CRYL1: variants seen among roughly 807,000 people sequenced by gnomAD.
The protein encoded by CRYL1 is crystallin lambda 1.
CRYL1 carries 29 observed loss-of-function variants against 36.6 expected under a neutral mutation model. The observed-to-expected ratio is 0.79, with a 90% CI of 0.59 to 1.08. The LOEUF is 1.08. CRYL1 is among the 50% of genes least tolerant of loss of function. The pLI is 0.00. For missense variants in CRYL1, 411 were observed against 407.9 expected, an observed-to-expected ratio of 1.01 and a Z score of -0.06; for synonymous variants, 152 against 151.5, an observed-to-expected ratio of 1.00 and a Z score of -0.02.
intron 2 of CRYL1, among the ~76,000 whole-genome samples, chr13:20,508,392 A>T (rs986100220): frequency 5.3e-5 from 8 of 152,298 alleles, no homozygotes; most frequent in Non-Finnish European, 1.0e-4. Context: ...AATTAAGTAG[A>T]TGTAATTTAC....
intron 5 of CRYL1, chr13:20,431,168 T>C (rs2032049402): frequency 3.0e-6 from 3 of 985,220 alleles, no homozygotes; most frequent in African/African-American, 1.7e-5. Flanking sequence ...TGCTGGGAAA[T>C]TGAAATGCAA....
chr13:20,473,684 G>T (rs1374970729), intron 3 of CRYL1, among the ~76,000 whole-genome samples: 1 of 152,202 alleles, frequency 6.6e-6, no homozygotes, highest in Non-Finnish European at 1.5e-5. Flanking sequence ...GGTGAAAGTG[G>T]GGCTAGGTAC....
At chr13:20,480,311 G>A (rs1202237277) in intron 3 of CRYL1, among the ~76,000 whole-genome samples, 1 of 151,954 alleles carries the variant, frequency 6.6e-6, no homozygotes, top group Non-Finnish European at 1.5e-5. Context: ...AACCCAGGAG[G>A]CAGAGGTTGC....
At chr13:20,428,729 C>A (rs980744323) in intron 5 of CRYL1, among the ~76,000 whole-genome samples, 9 of 152,184 alleles carry the variant, frequency 5.9e-5, no homozygotes, top group Admixed American at 5.9e-4. Context: ...GAAATTCATA[C>A]TTTCATATGA....
At chr13:20,428,467 A>G (rs1321543097) in intron 5 of CRYL1, among the ~76,000 whole-genome samples, 3 of 152,236 alleles carry the variant, frequency 2.0e-5, no homozygotes, top group Non-Finnish European at 4.4e-5. Flanking sequence ...AATATGTCCT[A>G]TGAATTTAGA....
At chr13:20,458,846 T>C (rs570225047) in intron 3 of CRYL1, among the ~76,000 whole-genome samples, 2 of 152,198 alleles carry the variant, frequency 1.3e-5, no homozygotes, top group African/African-American at 4.8e-5. Context: ...CAAAGCAGAG[T>C]AGAATCTCTC....
At chr13:20,464,015 C>T (rs6490582) in intron 3 of CRYL1, among the ~76,000 whole-genome samples, 146,164 of 152,226 alleles carry the variant, frequency 0.96, 70,434 homozygotes, top group East Asian at 1. Flanking sequence ...CAATTGTGCC[C>T]ATTCCTGTTA....
intron 3 of CRYL1, among the ~76,000 whole-genome samples, chr13:20,462,273 C>G (rs1341418480): frequency 6.6e-6 from 1 of 151,474 alleles, no homozygotes; most frequent in African/African-American, 2.4e-5. Context: ...GCCCTGGGGG[C>G]GCCCAGGGGA....
intron 6 of CRYL1, 137 bp downstream of exon 6, chr13:20,413,143 CTG>C (rs2031566734): frequency 1.6e-6 from 1 of 606,316 alleles, no homozygotes; most frequent in Non-Finnish European, 2.9e-6. Context: ...CCTGCCTTGT[CTG>C]TGAATCACCA....
chr13:20,491,978 G>A (rs1050674720), intron 2 of CRYL1, among the ~76,000 whole-genome samples: 12 of 152,156 alleles, frequency 7.9e-5, no homozygotes, highest in African/African-American at 2.7e-4. Flanking sequence ...GTAAGTGCCA[G>A]TAAATAGATA....
At chr13:20,438,594 C>A (rs1220147754) in intron 4 of CRYL1, among the ~76,000 whole-genome samples, 2 of 152,154 alleles carry the variant, frequency 1.3e-5, no homozygotes, top group Non-Finnish European at 2.9e-5. Flanking sequence ...TTCTGCACAC[C>A]GAGCGTGTTC....
intron 2 of CRYL1, among the ~76,000 whole-genome samples, chr13:20,492,203 T>C (rs1200504423): frequency 6.6e-6 from 1 of 152,242 alleles, no homozygotes; most frequent in African/African-American, 2.4e-5. Context: ...TCATTTATCA[T>C]TCACTGTGTA....
intron 5 of CRYL1, among the ~76,000 whole-genome samples, chr13:20,426,108 G>C (rs1392345432): frequency 6.6e-6 from 1 of 152,162 alleles, no homozygotes; most frequent in Admixed American, 6.5e-5. Context: ...CAAGCAGGAT[G>C]ACAAGGGAGA....
intron 2 of CRYL1, among the ~76,000 whole-genome samples, chr13:20,503,019 C>T (rs563323734): frequency 3.8e-4 from 58 of 152,094 alleles, no homozygotes; most frequent in Non-Finnish European, 6.3e-4. Context: ...CGGAAGCGCA[C>T]GGCCTCAGAA....
intron 3 of CRYL1, among the ~76,000 whole-genome samples, chr13:20,447,134 C>T (rs7331131): frequency 0.25 from 37,955 of 151,996 alleles, 5,337 homozygotes; most frequent in Non-Finnish European, 0.32. Flanking sequence ...CACTGATTTC[C>T]CAATCCACTT....
At chr13:20,498,364 C>T (rs1391388180) in intron 2 of CRYL1, among the ~76,000 whole-genome samples, 1 of 110,590 alleles carries the variant, frequency 9.0e-6, no homozygotes, top group Non-Finnish European at 2.0e-5. Flanking sequence ...ATACACACCA[C>T]TTACACACAC....
intron 2 of CRYL1, among the ~76,000 whole-genome samples, chr13:20,491,136 G>A (rs2033503746): frequency 6.6e-6 from 1 of 151,932 alleles, no homozygotes; most frequent in African/African-American, 2.4e-5. Context: ...CTAACTCCTG[G>A]GCTCAACTGA....
intron 1 of CRYL1, among the ~76,000 whole-genome samples, chr13:20,512,947 T>C (rs2033940209): frequency 6.6e-6 from 1 of 152,156 alleles, no homozygotes; most frequent in Admixed American, 6.5e-5. Flanking sequence ...AGATCTGAAA[T>C]GTTCCCAGCA....
At chr13:20,444,549 T>C (rs2032416306) in intron 3 of CRYL1, among the ~76,000 whole-genome samples, 2 of 152,232 alleles carry the variant, frequency 1.3e-5, no homozygotes, top group Admixed American at 1.3e-4. Context: ...GTCCGTCCCA[T>C]CCTCATTCCA....
Sources: gnomAD v4.1 joint callset for allele counts (sites outside exome capture counted in the v4.1 genomes callset) on GRCh38, gnomAD v4.1.1 for gene constraint, MANE v1.5 for transcripts, NCBI Gene and HGNC (gene_info 2026-07-23, HGNC 2026-07-21) for gene names.